PLEKHA7: variants seen among roughly 807,000 people sequenced by gnomAD.
PLEKHA7 encodes pleckstrin homology domain-containing family A member 7.
In PLEKHA7, 104 loss-of-function variants were observed where a neutral mutation model predicts 170.0. That is an observed-to-expected ratio of 0.61 (90% CI 0.52 to 0.72). The LOEUF (loss-of-function observed/expected upper bound fraction) is 0.72. PLEKHA7 is among the 30% of genes least tolerant of loss of function. PLEKHA7 has a pLI of 0.00. For missense variants in PLEKHA7, 1,615 were observed against 1,671.7 expected (o/e 0.97, Z 0.59); for synonymous variants, 648 against 660.8 (o/e 0.98, Z 0.30).
At chr11:16,868,079 C>T (rs1290138269) in intron 4 of PLEKHA7, among the ~76,000 whole-genome samples, 1 of 152,124 alleles carries the variant, frequency 6.6e-6, no homozygotes, top group East Asian at 1.9e-4. Flanking sequence ...GGTTGTTCAC[C>T]TTGACTAGAC....
chr11:16,786,340 C>T lies in PLEKHA7; in HGVS notation c.3405G>A (p.Val1135=). 3.9e-6 allele frequency: 6 copies of T among 1,536,148 alleles called. No individual in the cohort carries two copies. The highest frequency in any genetic ancestry group is 5.2e-6 in the Non-Finnish European group (6 of 1,146,902). ...CCTCCTTGTCCTTTTTTTCCCCTTG[C>T]ACGACCCGTTCCAGCAACTGCAGGT... ...DFDLQLLERV[V]QGEKKDKEEN... Residue 1135 remains valine (V), a synonymous_variant, in exon 24 of 27, where the codon GTG becomes GTA. Transcript: ENST00000531066.
At chr11:16,829,410 T>C (rs1217279919) in intron 9 of PLEKHA7, among the ~76,000 whole-genome samples, 2 of 152,290 alleles carry the variant, frequency 1.3e-5, no homozygotes, top group African/African-American at 4.8e-5. Context: ...CATATTGAGA[T>C]AGTAATGAGT....
intron 9 of PLEKHA7, among the ~76,000 whole-genome samples, chr11:16,826,866 C>T (rs948651650): frequency 3.9e-5 from 6 of 152,214 alleles, no homozygotes; most frequent in African/African-American, 1.2e-4. Context: ...TGAACCATAA[C>T]TTTGTTTACT....
At position 16,790,929 on chromosome 11, in the gene PLEKHA7, C is replaced by A; in HGVS notation, c.2935-14G>T. On this transcript the variant is annotated splice_polypyrimidine_tract_variant and intron_variant, in intron 20 of 26. Coordinates refer to ENST00000531066, the MANE Select transcript of PLEKHA7 (RefSeq NM_001329630.2). ...CCGCAGCTCCACCTGTGGGCAGAGT[C>A]CCAGGTGATGTGACCTGCCAGTGTC... 6.2e-7 allele frequency: 1 copy of A among 1,613,770 alleles called. No individual in the cohort carries two copies.
chr11:16,973,607 G>A (rs994637942), intron 3 of PLEKHA7, among the ~76,000 whole-genome samples: 2 of 152,170 alleles, frequency 1.3e-5, no homozygotes, highest in African/African-American at 4.8e-5. Flanking sequence ...ATACTGCCAG[G>A]GACCCAACCT....
intron 12 of PLEKHA7, 37 bp downstream of exon 12, chr11:16,816,141 T>C (rs1590207744): frequency 6.5e-7 from 1 of 1,529,908 alleles, no homozygotes; most frequent in Non-Finnish European, 9.1e-7. Context: ...GTTGATGAGA[T>C]AGGGCTTTGC....
At chr11:16,858,881 T>C (rs1199487715) in intron 4 of PLEKHA7, among the ~76,000 whole-genome samples, 1 of 152,168 alleles carries the variant, frequency 6.6e-6, no homozygotes, top group African/African-American at 2.4e-5. Context: ...AACCCACATA[T>C]TCTAACTCCA....
chr11:16,952,649 G>A (rs899846416), intron 3 of PLEKHA7, among the ~76,000 whole-genome samples: 11 of 152,066 alleles, frequency 7.2e-5, no homozygotes, highest in Non-Finnish European at 2.9e-5. Context: ...GGAACCAGAA[G>A]TGTTTCAGAT....
At chr11:16,969,193 T>TA (rs1862562507) in intron 3 of PLEKHA7, among the ~76,000 whole-genome samples, 1 of 152,120 alleles carries the variant, frequency 6.6e-6, no homozygotes, top group South Asian at 2.1e-4. Context: ...AGTTGCATCA[T>TA]ATCACCTGAC....
rs762277945 is a variant in PLEKHA7, at chr11:16,801,045, T to C, written c.2338A>G (p.Lys780Glu). The C allele has an allele frequency of 3.1e-6, 5 of 1,614,226 alleles. No homozygotes were observed. In the South Asian group the frequency reaches 3.3e-5, roughly 11 times the overall value. ...EMENAWNEYL[K>E]LENDVEQLKQ... ...AGCTGTTCCACATCATTCTCCAACT[T>C]CAGGTATTCGTTCCAAGCATTTTCC... Residue 780 changes from lysine to glutamate, a missense_variant, in exon 17 of 27, where the codon AAG becomes GAG. By Grantham distance (56) the Lys-to-Glu change is moderately conservative. Transcript: ENST00000531066.
intron 5 of PLEKHA7, among the ~76,000 whole-genome samples, chr11:16,855,326 C>A (rs1203836438): frequency 1.3e-5 from 2 of 152,168 alleles, no homozygotes; most frequent in Non-Finnish European, 2.9e-5. Context: ...AGCTTTTTGC[C>A]AATTTCCAGA....
intron 4 of PLEKHA7, among the ~76,000 whole-genome samples, chr11:16,856,587 C>G (rs1243977793): frequency 6.6e-6 from 1 of 152,166 alleles, no homozygotes; most frequent in Non-Finnish European, 1.5e-5. Flanking sequence ...TCCCCATCAG[C>G]ATCCCAGAAA....
chr11:16,793,100 G>A (rs1285013514), intron 19 of PLEKHA7, among the ~76,000 whole-genome samples: 4 of 152,206 alleles, frequency 2.6e-5, no homozygotes, highest in East Asian at 1.9e-4. Context: ...AGGAGCCTCT[G>A]TGACCATCTA....
At chr11:16,782,646 T>A in intron 26 of PLEKHA7, 108 bp downstream of exon 26, 2 of 1,397,168 alleles carry the variant, frequency 1.4e-6, no homozygotes, top group Non-Finnish European at 1.9e-6. Flanking sequence ...TCAACTACCA[T>A]CCTTGACACC....
At chr11:16,879,967 T>C (rs1590440503) in intron 3 of PLEKHA7, among the ~76,000 whole-genome samples, 4 of 152,206 alleles carry the variant, frequency 2.6e-5, no homozygotes, top group South Asian at 2.1e-4. Context: ...ACTTGGTGAA[T>C]AGAAAGTTTT....
At chr11:16,968,657 A>C (rs1420535853) in intron 3 of PLEKHA7, among the ~76,000 whole-genome samples, 1 of 152,186 alleles carries the variant, frequency 6.6e-6, no homozygotes, top group African/African-American at 2.4e-5. Context: ...GCAGCGGAAC[A>C]ACACAGTTTG....
chr11:16,966,484 C>T (rs926936853), intron 3 of PLEKHA7, among the ~76,000 whole-genome samples: 1 of 152,074 alleles, frequency 6.6e-6, no homozygotes, highest in Non-Finnish European at 1.5e-5. Flanking sequence ...GAACCAGAAG[C>T]CCACTAGGGT....
chr11:16,853,276 C>A (rs781210832), intron 6 of PLEKHA7, among the ~76,000 whole-genome samples: 2 of 152,196 alleles, frequency 1.3e-5, no homozygotes, highest in Non-Finnish European at 2.9e-5. Context: ...AAACATCTGA[C>A]AATTTCTAAA....
intron 3 of PLEKHA7, among the ~76,000 whole-genome samples, chr11:16,997,479 C>T (rs55853906): frequency 0.024 from 3,610 of 152,178 alleles, 128 homozygotes; most frequent in African/African-American, 0.083. Flanking sequence ...AAACAAAGAC[C>T]GGCAATCTGT....
Sources: gnomAD v4.1 joint callset for allele counts (sites outside exome capture counted in the v4.1 genomes callset) on GRCh38, gnomAD v4.1.1 for gene constraint, MANE v1.5 for transcripts, NCBI Gene and HGNC (gene_info 2026-07-23, HGNC 2026-07-21) for gene names.